LPCAT2: variants seen among roughly 807,000 people sequenced by gnomAD.
LPCAT2 encodes lysophosphatidylcholine acyltransferase 2, also known as 1-AGP acyltransferase 11.
LPCAT2 carries 58 observed loss-of-function variants against 64.7 expected under a neutral mutation model. The ratio of observed to expected loss-of-function variants is 0.90; its 90% CI spans 0.73 to 1.12. The LOEUF is 1.12. LPCAT2 is among the 50% of genes most tolerant of loss of function. LPCAT2 has a pLI of 0.00. For missense variants in LPCAT2, 579 were observed against 669.8 expected (o/e 0.86, Z 1.50); for synonymous variants, 252 against 245.3 (o/e 1.03, Z -0.26).
chr16:55,509,793 G>A (rs1293328624), intron 1 of LPCAT2, among the ~76,000 whole-genome samples: 1 of 152,088 alleles, frequency 6.6e-6, no homozygotes, highest in Non-Finnish European at 1.5e-5. Flanking sequence ...GGCACGGGAG[G>A]AGAGAAGATG....
intron 1 of LPCAT2, among the ~76,000 whole-genome samples, chr16:55,522,493 A>G (rs1412575792): frequency 6.6e-6 from 1 of 151,706 alleles, no homozygotes; most frequent in Non-Finnish European, 1.5e-5. Flanking sequence ...TCTAAAACTT[A>G]TATGGAAATG....
chr16:55,509,157 G>A lies in LPCAT2; in HGVS notation c.-25G>A. On this transcript the variant is annotated 5_prime_UTR_variant, in exon 1 of 14. Coordinates refer to ENST00000262134, the MANE Select transcript of LPCAT2 (RefSeq NM_017839.5). ...TGCAGCGCCCGCGTAGATCGCTTCG[G>A]CCGGGTTCTACGCCCGGCTCAACTA... 7.6e-7 allele frequency: 1 copy of A among 1,315,188 alleles called. No homozygotes were observed. The highest frequency in any genetic ancestry group is 9.7e-7 in the Non-Finnish European group (1 of 1,028,030). 81.5% of individuals were successfully genotyped at this position (1,315,188 alleles called of 1,614,324 possible).
At chr16:55,573,752 T>G (rs1204364947) in intron 11 of LPCAT2, among the ~76,000 whole-genome samples, 1 of 152,026 alleles carries the variant, frequency 6.6e-6, no homozygotes, top group African/African-American at 2.4e-5. Flanking sequence ...TCCATCTCAT[T>G]TGTCCCTTCT....
intron 8 of LPCAT2, among the ~76,000 whole-genome samples, chr16:55,537,876 T>C (rs577570586): frequency 6.6e-6 from 1 of 152,352 alleles, no homozygotes; most frequent in African/African-American, 2.4e-5. Context: ...CTCATCTTTT[T>C]ACTCCTTTAA....
At chr16:55,529,304 C>T (rs1255253755) in intron 3 of LPCAT2, among the ~76,000 whole-genome samples, 1 of 151,446 alleles carries the variant, frequency 6.6e-6, no homozygotes, top group Admixed American at 6.6e-5. Flanking sequence ...TCAGCTAAGA[C>T]ATTTTTTTTT....
intron 1 of LPCAT2, among the ~76,000 whole-genome samples, chr16:55,514,410 G>C (rs1583587): frequency 0.48 from 73,207 of 151,994 alleles, 18,275 homozygotes; most frequent in Non-Finnish European, 0.55. Flanking sequence ...CCTTTGCAAG[G>C]ATCAGGAAAC....
chr16:55,536,826 A>T (rs1406915961), intron 7 of LPCAT2, among the ~76,000 whole-genome samples: 1 of 152,222 alleles, frequency 6.6e-6, no homozygotes, highest in Non-Finnish European at 1.5e-5. Flanking sequence ...AGTAGGAACA[A>T]CTATTTCAAA....
At chr16:55,513,979 G>A (rs1596843733) in intron 1 of LPCAT2, among the ~76,000 whole-genome samples, 1 of 152,266 alleles carries the variant, frequency 6.6e-6, no homozygotes, top group East Asian at 1.9e-4. Flanking sequence ...CATGTGAGAG[G>A]ATTGCTTGAG....
rs1395284319 is a variant in LPCAT2 at position 55,525,581 on chromosome 16, C to T, written c.245C>T (p.Pro82Leu). The T allele has an allele frequency of 1.2e-6, 2 of 1,611,702 alleles. No homozygotes were observed. Among genetic ancestry groups the T allele is most frequent in the Admixed American group, 1.7e-5 (1 of 59,738 alleles). ...GCGTTAATTTTATTACTTGCATGGC[C>T]ATTTGCTGCAATTTCAACAGTATGC... is the stretch of plus-strand genomic sequence containing the variant. ...LVALILLLAW[P>L]FAAISTVCCP... The change falls in exon 2 of 14, where the codon CCA becomes CTA. Residue 82 changes from proline to leucine, a missense_variant. Physicochemically the swap from Pro to Leu is moderately conservative, Grantham distance 98. Coordinates refer to ENST00000262134, the MANE Select transcript of LPCAT2 (RefSeq NM_017839.5).
At chr16:55,551,517 A>G (rs1405373105) in intron 11 of LPCAT2, among the ~76,000 whole-genome samples, 1 of 152,124 alleles carries the variant, frequency 6.6e-6, no homozygotes, top group Non-Finnish European at 1.5e-5. Flanking sequence ...CATTGATGAC[A>G]TGGGTGTTTA....
At position 55,550,315 on chromosome 16, in the gene LPCAT2, C is replaced by T. The variant is rs569591507; in HGVS notation, c.1062-634C>T. On this transcript the variant is annotated intron_variant, in intron 10 of 13. Coordinates refer to ENST00000262134, the MANE Select transcript of LPCAT2 (RefSeq NM_017839.5). ...AGTACATTTTCCAGTGTTTTATCAC[C>T]GTAGTTTTTCATAACTAATCTTGGA... Among the ~76,000 whole-genome samples the T allele has an allele frequency of 4.6e-5, 7 of 152,156 alleles. No individual in the cohort carries two copies. In the South Asian group the frequency reaches 8.3e-4, roughly 18 times the overall value.
At chr16:55,514,944 G>C (rs778254820) in intron 1 of LPCAT2, among the ~76,000 whole-genome samples, 1 of 149,556 alleles carries the variant, frequency 6.7e-6, no homozygotes, top group Non-Finnish European at 1.5e-5. Context: ...TCACTAGAGG[G>C]GCTCAACAGC....
intron 9 of LPCAT2, among the ~76,000 whole-genome samples, chr16:55,546,332 C>T (rs1033048729): frequency 6.6e-6 from 1 of 152,060 alleles, no homozygotes; most frequent in Admixed American, 6.5e-5. Context: ...TTCTAACTGG[C>T]CATTATTCTG....
intron 1 of LPCAT2, 82 bp downstream of exon 1, chr16:55,509,434 G>T: frequency 7.9e-7 from 1 of 1,273,346 alleles, no homozygotes; most frequent in Non-Finnish European, 1.0e-6. Context: ...GTGTGGGTCT[G>T]AGAGAGGAGG....
rs183751125 is a variant in LPCAT2, at chr16:55,518,188, T to A, written c.172-7320T>A. Among the ~76,000 whole-genome samples the A allele has an allele frequency of 2.2e-3, 332 of 152,302 alleles. 4 individuals carry two copies. Among genetic ancestry groups the A allele is most frequent in the African/African-American group, 7.8e-3 (323 of 41,578 alleles). ...GAAATTTAAAAACAGTTCGATTTAA[T>A]TTAGCATCAAAAAGAGTGAAATACT... On this transcript the variant is annotated intron_variant, in intron 1 of 13. Coordinates refer to ENST00000262134, the MANE Select transcript of LPCAT2 (RefSeq NM_017839.5).
intron 13 of LPCAT2, among the ~76,000 whole-genome samples, chr16:55,580,541 C>T (rs1435333087): frequency 6.6e-6 from 1 of 151,920 alleles, no homozygotes; most frequent in Non-Finnish European, 1.5e-5. Context: ...GAATATCTCC[C>T]CTTTCCCAAT....
chr16:55,550,677 A>T (rs1963506216), intron 10 of LPCAT2, among the ~76,000 whole-genome samples: 2 of 152,186 alleles, frequency 1.3e-5, no homozygotes, highest in African/African-American at 4.8e-5. Context: ...ACACCTTGGG[A>T]GGCCGAGGCA....
chr16:55,536,267 A>C (rs1373948987), intron 7 of LPCAT2, among the ~76,000 whole-genome samples: 2 of 152,230 alleles, frequency 1.3e-5, no homozygotes, highest in African/African-American at 4.8e-5. Context: ...ATAAACTTAG[A>C]GAAGTTTTGT....
intron 11 of LPCAT2, among the ~76,000 whole-genome samples, chr16:55,558,431 A>G (rs1252288659): frequency 1.3e-5 from 2 of 152,244 alleles, no homozygotes; most frequent in Non-Finnish European, 2.9e-5. Flanking sequence ...CCTATAAAAC[A>G]GTTCTCACAT....
Sources: allele counts gnomAD v4.1 joint callset (sites outside exome capture counted in the v4.1 genomes callset), GRCh38; gene constraint gnomAD v4.1.1; transcripts MANE v1.5; gene names NCBI Gene and HGNC (gene_info 2026-07-23, HGNC 2026-07-21).